Variants in CFAP69 observed in about 807,000 individuals in gnomAD.
CFAP69 encodes the protein cilia- and flagella-associated protein 69.
A neutral mutation model predicts 123.0 loss-of-function variants in CFAP69; 92 were observed. The ratio of observed to expected loss-of-function variants is 0.75; its 90% CI spans 0.63 to 0.89. CFAP69 has a LOEUF of 0.89. CFAP69 is among the 40% of genes least tolerant of loss of function. CFAP69 has a pLI of 0.00. For synonymous variants in CFAP69, 380 were observed against 364.3 expected (o/e 1.04, Z -0.49); for missense variants, 1,067 against 1,096.9 (o/e 0.97, Z 0.39).
the CFAP69 span, among the ~76,000 whole-genome samples, chr7:90,323,175 A>G: frequency 6.6e-6 from 1 of 152,126 alleles, no homozygotes; most frequent in Non-Finnish European, 1.5e-5. Context: ...CTTGGTGTCT[A>G]CCCCCAAGTC....
intron 17 of CFAP69, 126 bp from the exon 18 acceptor site, chr7:90,303,843 C>T: frequency 7.7e-7 from 1 of 1,291,766 alleles, no homozygotes; most frequent in Non-Finnish European, 1.0e-6. Context: ...GTGTAATAGG[C>T]ACTATTTTTT....
chr7:90,287,492 T>A (rs909130709), intron 14 of CFAP69: 1 of 985,334 alleles, frequency 1.0e-6, no homozygotes, highest in African/African-American at 1.7e-5. Context: ...TCCCCTTTTA[T>A]CTTTTTTAGC....
intron 5 of CFAP69, 45 bp from the exon 6 acceptor site, chr7:90,268,241 C>A: frequency 1.6e-6 from 2 of 1,220,552 alleles, no homozygotes; most frequent in South Asian, 1.3e-5. Flanking sequence ...TACAAATAAG[C>A]TTATGACAGT....
intron 3 of CFAP69, among the ~76,000 whole-genome samples, chr7:90,259,031 A>G (rs980716613): frequency 6.6e-6 from 1 of 152,202 alleles, no homozygotes; most frequent in African/African-American, 2.4e-5. Context: ...AGTGCTTGAT[A>G]ATCTGCAAAA....
At chr7:90,250,617 A>C (rs1796904399) in intron 1 of CFAP69, among the ~76,000 whole-genome samples, 2 of 152,212 alleles carry the variant, frequency 1.3e-5, no homozygotes, top group South Asian at 4.1e-4. Context: ...TTTGATCTTA[A>C]AAGGTTTTGT....
At chr7:90,314,211 C>CA (rs547209315), downstream of CFAP69, among the ~76,000 whole-genome samples, 61 of 151,928 alleles carry the variant, frequency 4.0e-4, no homozygotes, top group South Asian at 0.012. Flanking sequence ...ACAACAATAA[C>CA]AAAAAAGGAG....
intron 1 of CFAP69, 81 bp downstream of exon 1, chr7:90,245,625 A>C (rs1796236809): frequency 7.1e-7 from 1 of 1,415,398 alleles, no homozygotes; most frequent in African/African-American, 1.5e-5. Context: ...TGGGGGTGGC[A>C]AGGGTGGAAC....
At chr7:90,278,169 G>A (rs917087039) in intron 11 of CFAP69, among the ~76,000 whole-genome samples, 1 of 152,066 alleles carries the variant, frequency 6.6e-6, no homozygotes, top group Non-Finnish European at 1.5e-5. Context: ...AGAAAGATGG[G>A]GTAGTCTAGC....
chr7:90,300,122 T>A, intron 17 of CFAP69, 63 bp downstream of exon 17: 2 of 1,352,218 alleles, frequency 1.5e-6, no homozygotes. Flanking sequence ...GATCTTTAAA[T>A]GGTATTAAGA....
At chr7:90,268,643 T>A (rs1000260616) in intron 6 of CFAP69, among the ~76,000 whole-genome samples, 7 of 152,156 alleles carry the variant, frequency 4.6e-5, no homozygotes, top group African/African-American at 1.7e-4. Flanking sequence ...TATTAATAAT[T>A]ATAAATGTTA....
intron 22 of CFAP69, 22 bp downstream of exon 22, chr7:90,309,389 A>C: frequency 7.7e-7 from 1 of 1,303,302 alleles, no homozygotes; most frequent in Admixed American, 2.2e-5. Flanking sequence ...TCTCCATAAC[A>C]TTTTCTTAAT....
At chr7:90,317,519 T>C in the CFAP69 span, 4 of 152,026 alleles carry the variant, frequency 2.6e-5, no homozygotes, top group African/African-American at 9.7e-5. Context: ...CAATCTTATA[T>C]TATCTGCTAC....
chr7:90,293,134 A>T (rs1791450910), intron 15 of CFAP69, among the ~76,000 whole-genome samples: 1 of 152,356 alleles, frequency 6.6e-6, no homozygotes, highest in Non-Finnish European at 1.5e-5. Flanking sequence ...ACATACCAAT[A>T]ACACATTTAT....
chr7:90,255,752 A>G (rs1360700838), intron 2 of CFAP69, among the ~76,000 whole-genome samples: 1 of 152,188 alleles, frequency 6.6e-6, no homozygotes, highest in African/African-American at 2.4e-5. Flanking sequence ...AGAGTACAGA[A>G]AGGATCATCT....
chr7:90,262,194 C>A, intron 4 of CFAP69, 138 bp downstream of exon 4: 1 of 543,518 alleles, frequency 1.8e-6, no homozygotes, highest in Non-Finnish European at 3.2e-6. Flanking sequence ...CACTTGATTC[C>A]AGCAGTTGGC....
rs1177824648 is a variant in CFAP69 at position 90,268,328 on chromosome 7, T to C, written c.476T>C (p.Ile159Thr). The change falls in exon 6 of 23, where the codon ATT becomes ACT. Residue 159 changes from isoleucine (I) to threonine (T), a missense_variant. Ile to Thr is a moderately conservative substitution (Grantham distance 89, BLOSUM62 -1). Coordinates refer to ENST00000389297, the MANE Select transcript of CFAP69 (RefSeq NM_001039706.3). ...CCAAGTTCTGAATTGAGGATACAAA[T>C]TTGTAAGTGTATTGTTGATTTTTAT... is the stretch of plus-strand genomic sequence containing the variant. The part of the protein sequence containing the change: ...KIPSSELRIQ[I>T]CKCIVDFYHA... 1 of 1,610,014 alleles carries C rather than the reference T, an allele frequency of 6.2e-7. No individual in the cohort carries two copies. The highest frequency in any genetic ancestry group is 1.7e-5 in the Admixed American group (1 of 59,088).
In CFAP69 at chr7:90,277,349, A is replaced by C; in HGVS notation, c.1155+15A>C. On this transcript the variant is annotated intron_variant, in intron 11 of 22. Transcript: ENST00000389297. ...CTACTGTACAGGTAAAGAGTAATCA[A>C]GGCAGGAAAATCAATAAAAATTGTC... 6.8e-7 allele frequency: 1 copy of C among 1,463,894 alleles called. No homozygotes were observed. Among genetic ancestry groups the C allele is most frequent in the Non-Finnish European group, 9.0e-7 (1 of 1,107,416 alleles). 90.7% of individuals were successfully genotyped at this position (1,463,894 alleles called of 1,614,324 possible).
At chr7:90,264,918 C>T (rs1280536538) in intron 4 of CFAP69, among the ~76,000 whole-genome samples, 5 of 152,046 alleles carry the variant, frequency 3.3e-5, no homozygotes, top group African/African-American at 7.2e-5. Flanking sequence ...CTCAGCCTCC[C>T]GAGTAGCTGG....
chr7:90,276,499 C>T (rs1788631330), intron 9 of CFAP69, among the ~76,000 whole-genome samples: 1 of 152,226 alleles, frequency 6.6e-6, no homozygotes, highest in South Asian at 2.1e-4. Context: ...CCTGTAAACT[C>T]TCCCTAATGT....
Sources: gnomAD v4.1 joint callset for allele counts (sites outside exome capture counted in the v4.1 genomes callset) on GRCh38, gnomAD v4.1.1 for gene constraint, MANE v1.5 for transcripts, NCBI Gene and HGNC (gene_info 2026-07-23, HGNC 2026-07-21) for gene names.